The following CDK8 variants were observed in gnomAD, a reference collection of about 807,000 sequenced individuals.
The protein encoded by CDK8 is cyclin dependent kinase 8.
A neutral mutation model predicts 71.5 loss-of-function variants in CDK8; 29 were observed. The ratio of observed to expected loss-of-function variants is 0.41; its 90% confidence interval spans 0.30 to 0.55. The LOEUF (loss-of-function observed/expected upper bound fraction) is 0.55. Among genes scored for constraint, CDK8 ranks in the 20% least tolerant of loss-of-function variants. The pLI, the probability that CDK8 is intolerant of heterozygous loss-of-function variation, is 0.37. For synonymous variants in CDK8, 161 were observed against 192.1 expected (o/e 0.84, Z 1.34); for missense variants, 288 against 572.6 (o/e 0.50, Z 5.07).
chr13:26,314,359 C>A (rs1230715568), intron 1 of CDK8, among the ~76,000 whole-genome samples: 1 of 152,118 alleles, frequency 6.6e-6, no homozygotes, highest in African/African-American at 2.4e-5. Flanking sequence ...AATCTAAATT[C>A]TTTGCTTTTA....
intron 1 of CDK8, among the ~76,000 whole-genome samples, chr13:26,276,386 A>G (rs1189344661): frequency 2.0e-5 from 3 of 152,158 alleles, no homozygotes; most frequent in East Asian, 1.9e-4. Context: ...GACATCTTAT[A>G]TGTGATTTAT....
chr13:26,288,608 A>G (rs2769317), intron 1 of CDK8, among the ~76,000 whole-genome samples: 15,480 of 151,156 alleles, frequency 0.1, 892 homozygotes, highest in South Asian at 0.15. Context: ...AAACACACAC[A>G]TAAACACACT....
At chr13:26,375,130 TA>T (rs1874884704) in intron 4 of CDK8, among the ~76,000 whole-genome samples, 1 of 152,182 alleles carries the variant, frequency 6.6e-6, no homozygotes, top group African/African-American at 2.4e-5. Context: ...ATGCAAACAA[TA>T]TATTTAGTTT....
intron 1 of CDK8, among the ~76,000 whole-genome samples, chr13:26,267,509 T>A (rs1872074828): frequency 6.6e-6 from 1 of 152,180 alleles, no homozygotes; most frequent in South Asian, 2.1e-4. Context: ...AATATATGTA[T>A]GGGTAGACTT....
At chr13:26,353,000 T>G (rs1324575189) in intron 3 of CDK8, among the ~76,000 whole-genome samples, 1 of 152,228 alleles carries the variant, frequency 6.6e-6, no homozygotes, top group East Asian at 1.9e-4. Context: ...AAGGCATAGT[T>G]TACTGCAGCC....
chr13:26,364,860 A>G (rs949554387), intron 4 of CDK8, among the ~76,000 whole-genome samples: 2 of 152,180 alleles, frequency 1.3e-5, no homozygotes, highest in African/African-American at 4.8e-5. Flanking sequence ...TTACCCATAG[A>G]CTAAAAGAGG....
chr13:26,355,067 C>T (rs184323484), intron 4 of CDK8, among the ~76,000 whole-genome samples: 1 of 152,176 alleles, frequency 6.6e-6, no homozygotes, highest in Non-Finnish European at 1.5e-5. Flanking sequence ...TCTGGTCTCT[C>T]GCAAAGATGT....
intron 4 of CDK8, chr13:26,359,823 C>A: frequency 2.1e-5 from 6 of 280,986 alleles, no homozygotes; most frequent in Non-Finnish European, 3.7e-5. Context: ...TCAAGTGATT[C>A]TCCTGCCTTA....
intron 1 of CDK8, among the ~76,000 whole-genome samples, chr13:26,304,683 C>G (rs1873964005): frequency 6.6e-6 from 1 of 151,992 alleles, no homozygotes; most frequent in Non-Finnish European, 1.5e-5. Context: ...TTTGCCCAGG[C>G]TGGAATGCAG....
intron 1 of CDK8, among the ~76,000 whole-genome samples, chr13:26,311,959 C>A (rs1874302088): frequency 6.6e-6 from 1 of 152,166 alleles, no homozygotes; most frequent in African/African-American, 2.4e-5. Context: ...GGGTGGTAAA[C>A]CAGTAGCATC....
Position 26,404,101 on chromosome 13 carries a change from C to T in CDK8, c.*20C>T, listed in dbSNP as rs1458224052. ...TACTGAGCTGCATCGGAATCTTGTC[C>T]ATGCACTGTTGCGAATGCTGCAGGG... On this transcript the variant is annotated 3_prime_UTR_variant, in exon 13 of 13. Transcript: ENST00000381527. 8.1e-6 allele frequency: 13 copies of T among 1,612,942 alleles called. No homozygotes were observed. The Middle Eastern group carries it at 4.9e-4, about 61-fold the overall frequency.
intron 4 of CDK8, among the ~76,000 whole-genome samples, chr13:26,380,815 C>T (rs938154711): frequency 1.3e-5 from 2 of 152,102 alleles, no homozygotes; most frequent in Non-Finnish European, 2.9e-5. Context: ...TAAAACATAG[C>T]GAAAGCCAAG....
intron 1 of CDK8, among the ~76,000 whole-genome samples, chr13:26,282,200 T>C (rs1872781147): frequency 6.6e-6 from 1 of 152,044 alleles, no homozygotes; most frequent in Non-Finnish European, 1.5e-5. Flanking sequence ...GGTATCCAAA[T>C]ACAAGAAGCT....
At chr13:26,323,408 T>C (rs959447923) in intron 1 of CDK8, among the ~76,000 whole-genome samples, 3 of 151,634 alleles carry the variant, frequency 2.0e-5, no homozygotes, top group African/African-American at 7.3e-5. Flanking sequence ...TCTCTTCTTA[T>C]AATGGCACTA....
Position 26,401,693 on chromosome 13 carries a change from T to C in CDK8, c.1269+69T>C, listed in dbSNP as rs1454011326. On this transcript the variant is annotated intron_variant, in intron 12 of 12. Coordinates refer to ENST00000381527, the MANE Select transcript of CDK8 (RefSeq NM_001260.3). The surrounding 1 kb of genome is among the most constrained non-coding windows in gnomAD (Gnocchi z 4.5). ...ATATGGGTTTATGATCGTGGGAAAATGTGATTTAATTGAGAAATACTGACG... is the reference window on the plus strand; with the variant it reads ...ATATGGGTTTATGATCGTGGGAAAACGTGATTTAATTGAGAAATACTGACG... 1 of 1,488,424 alleles carries C rather than the reference T, an allele frequency of 6.7e-7. No individual in the cohort carries two copies. The highest frequency in any genetic ancestry group is 9.3e-7 in the Non-Finnish European group (1 of 1,070,296). The allele number at this position is 1,488,424 out of a possible 1,614,324, so 92.2% of individuals were successfully genotyped here.
At chr13:26,280,076 G>C (rs1872684326) in intron 1 of CDK8, among the ~76,000 whole-genome samples, 1 of 151,982 alleles carries the variant, frequency 6.6e-6, no homozygotes, top group Admixed American at 6.6e-5. Flanking sequence ...TTCTTATTAG[G>C]TTTAAACATT....
rs147387094 is a variant in CDK8 at position 26,370,780 on chromosome 13, A to G, written c.457-12034A>G. 2.6e-5 allele frequency among the ~76,000 whole-genome samples: 4 copies of G among 152,334 alleles called. No homozygotes were observed. The East Asian group carries it at 7.7e-4, about 29-fold the overall frequency. On this transcript the variant is annotated intron_variant, in intron 4 of 12. Coordinates refer to ENST00000381527, the MANE Select transcript of CDK8 (RefSeq NM_001260.3). ...GGAATTAAAAGAGCCTTGATAAGAT[A>G]TTTATATTACATGTAAAAAATACAG... is the stretch of plus-strand genomic sequence containing the variant.
chr13:26,387,934 CTG>C (rs1875558667), intron 6 of CDK8, among the ~76,000 whole-genome samples: 1 of 152,224 alleles, frequency 6.6e-6, no homozygotes, highest in Non-Finnish European at 1.5e-5. Context: ...CCTCACCTCA[CTG>C]TTCACCGTTG....
intron 4 of CDK8, among the ~76,000 whole-genome samples, chr13:26,364,310 C>T (rs1269379011): frequency 6.6e-6 from 1 of 152,098 alleles, no homozygotes; most frequent in Non-Finnish European, 1.5e-5. Flanking sequence ...ATTACTGTTT[C>T]ATGAAACTTT....
Sources: gnomAD v4.1 joint callset for allele counts (sites outside exome capture counted in the v4.1 genomes callset) on GRCh38, gnomAD v4.1.1 for gene constraint, Gnocchi (gnomAD v3.1) non-coding constraint, MANE v1.5 for transcripts, NCBI Gene and HGNC (gene_info 2026-07-23, HGNC 2026-07-21) for gene names.